AHRR: variants seen among roughly 807,000 people sequenced by gnomAD.
AHRR encodes ahR repressor.
AHRR carries 28 observed loss-of-function variants against 44.0 expected under a neutral mutation model. The observed-to-expected ratio is 0.64, with a 90% CI of 0.47 to 0.87. The LOEUF is 0.87. Among genes scored for constraint, AHRR ranks in the 40% least tolerant of loss-of-function variants. AHRR has a pLI of 0.00. For synonymous variants in AHRR, 434 were observed against 407.0 expected (o/e 1.07, Z -0.80); for missense variants, 990 against 953.9 (o/e 1.04, Z -0.50).
At position 391,410 on chromosome 5, in the gene AHRR, C is replaced by CG. The variant is rs1734438736; in HGVS notation, c.351+14694_351+14695insG. ...GAGGAGGGCGCAGGGCGAGGCAGGGCCAGAGCGTGCACGGGGGCAGGGCGA... is the reference window on the plus strand; with the variant it reads ...GAGGAGGGCGCAGGGCGAGGCAGGGCGCAGAGCGTGCACGGGGGCAGGGCGA... On this transcript the variant is annotated intron_variant, in intron 4 of 10. Transcript: ENST00000684583. 2.5e-5 allele frequency among the ~76,000 whole-genome samples: 3 copies of CG among 119,314 alleles called. No individual in the cohort carries two copies. In the East Asian group the frequency reaches 8.1e-4, roughly 32 times the overall value. 78.3% of individuals were successfully genotyped at this position (119,314 alleles called of 152,430 possible). A position where few individuals can be genotyped will look rare whatever the true frequency, so the allele number is the denominator to read the frequency against.
intron 8 of AHRR, among the ~76,000 whole-genome samples, chr5:428,347 C>T (rs57481959): frequency 2.0e-5 from 3 of 152,178 alleles, no homozygotes; most frequent in Non-Finnish European, 2.9e-5. Flanking sequence ...CTTGGCTGCC[C>T]GCCCTTCACA....
intron 4 of AHRR, among the ~76,000 whole-genome samples, chr5:394,624 G>T (rs1330888901): frequency 2.0e-5 from 3 of 150,506 alleles, no homozygotes; most frequent in Admixed American, 2.0e-4. Flanking sequence ...GAGCCCTCTT[G>T]TCTCTCCCCT....
At position 378,780 on chromosome 5, in the gene AHRR, G is replaced by A. The variant is rs529462420; in HGVS notation, c.351+2064G>A. On this transcript the variant is annotated intron_variant, in intron 4 of 10. Coordinates refer to ENST00000684583, the MANE Select transcript of AHRR (RefSeq NM_001377236.1). ...GGTTTTCATTCTGTCTTTTAGGTGGGCTACAGGGCTGTTGGGTTTAGCATG... is the reference window on the plus strand; with the variant it reads ...GGTTTTCATTCTGTCTTTTAGGTGGACTACAGGGCTGTTGGGTTTAGCATG... 1.2e-4 allele frequency among the ~76,000 whole-genome samples: 18 copies of A among 152,306 alleles called. No homozygotes were observed. In the South Asian group the frequency reaches 3.7e-3, roughly 32 times the overall value.
Position 395,037 on chromosome 5 carries a change from G to A in AHRR, c.352-18307G>A, listed in dbSNP as rs1734639514. 6.6e-6 allele frequency among the ~76,000 whole-genome samples: 1 copy of A among 152,228 alleles called. No homozygotes were observed. The highest frequency in any genetic ancestry group is 6.5e-5 in the Admixed American group (1 of 15,288). ...GCAGGGCTGTCTCGAGGCATCTTGG[G>A]AGGGCAAAGGCAGGACGGGAAAGTG... is the stretch of plus-strand genomic sequence containing the variant. On this transcript the variant is annotated intron_variant, in intron 4 of 10. Transcript: ENST00000684583. This position sits in a 1 kb window ranked among gnomAD's most constrained non-coding sequence, Gnocchi z 5.3.
rs1360607649 is a variant in AHRR, at chr5:423,826, C to A, written c.572-15C>A. 6 of 1,590,920 alleles carry A rather than the reference C, an allele frequency of 3.8e-6. No individual in the cohort carries two copies. In the African/African-American group the frequency reaches 4.0e-5, roughly 11 times the overall value. On this transcript the variant is annotated splice_polypyrimidine_tract_variant and intron_variant, in intron 6 of 10. Coordinates refer to ENST00000684583, the MANE Select transcript of AHRR (RefSeq NM_001377236.1). ...TTCTCCCACCGCCACGCCCCTTGGC[C>A]CCTATGGTCTGCAGGAGATGATGCT...
At chr5:400,341 T>C (rs1027121161) in intron 4 of AHRR, among the ~76,000 whole-genome samples, 52 of 152,142 alleles carry the variant, frequency 3.4e-4, no homozygotes, top group Non-Finnish European at 6.2e-4. Flanking sequence ...TTCCCTGCGG[T>C]CCCTGGGGGA....
At chr5:343,571 G>GCTTC in intron 1 of AHRR, 1 of 369,902 alleles carries the variant, frequency 2.7e-6, no homozygotes, top group Non-Finnish European at 4.9e-6. Context: ...TTCCTCGATG[G>GCTTC]CTTCCTCCTC....
At chr5:343,239 A>G (rs6894030) in intron 1 of AHRR, among the ~76,000 whole-genome samples, 11,547 of 130,388 alleles carry the variant, frequency 0.089, 944 homozygotes, top group African/African-American at 0.11. Context: ...GGGACCCCAC[A>G]TACCTTCTCG....
rs751205967 is a variant in AHRR, at chr5:376,721, G to A, written c.351+5G>A. On this transcript the variant is annotated splice_donor_5th_base_variant and intron_variant, in intron 4 of 10. Transcript: ENST00000684583. Reference sequence around the variant, plus strand: ...GAGGGAAGGCTGCTGTTGGAGGTGAGTGCCACCCTTGGTACCTCGAACACT... The same window carrying A: ...GAGGGAAGGCTGCTGTTGGAGGTGAATGCCACCCTTGGTACCTCGAACACT... 6.2e-7 allele frequency: 1 copy of A among 1,602,814 alleles called. No individual in the cohort carries two copies. The highest frequency in any genetic ancestry group is 8.5e-7 in the Non-Finnish European group (1 of 1,174,976).
intron 5 of AHRR, among the ~76,000 whole-genome samples, chr5:413,834 G>T (rs1380206257): frequency 6.6e-6 from 1 of 152,194 alleles, no homozygotes; most frequent in African/African-American, 2.4e-5. Context: ...CCTTCCTGAC[G>T]TGCGAGTGGT....
chr5:339,889 A>G (rs1414940701), intron 1 of AHRR, among the ~76,000 whole-genome samples: 3 of 152,116 alleles, frequency 2.0e-5, no homozygotes, highest in Non-Finnish European at 4.4e-5. Context: ...TCCTTGGATA[A>G]ATCCCACTTA....
rs1362123757 is a variant in AHRR, at chr5:405,910, G to C, written c.352-7434G>C. Reference sequence around the variant, plus strand: ...GTCCTTCTGGTGTGGCTTTCCTCCTGAATTAGGCGTGGTGTGGCAGCGTCC... The same window carrying C: ...GTCCTTCTGGTGTGGCTTTCCTCCTCAATTAGGCGTGGTGTGGCAGCGTCC... On this transcript the variant is annotated intron_variant, in intron 4 of 10. Transcript: ENST00000684583. This position sits in a 1 kb window ranked among gnomAD's most constrained non-coding sequence, Gnocchi z 4.5. Among the ~76,000 whole-genome samples, 1 of 152,198 alleles carries C rather than the reference G, an allele frequency of 6.6e-6. No homozygotes were observed. The highest frequency in any genetic ancestry group is 1.5e-5 in the Non-Finnish European group (1 of 68,048).
At chr5:422,583 G>T in intron 5 of AHRR, 146 bp from the exon 6 acceptor site, 1 of 1,114,138 alleles carries the variant, frequency 9.0e-7, no homozygotes, top group Admixed American at 1.9e-5. Context: ...CCGGGGCCAA[G>T]CGCCGTCTCT....
chr5:370,769 G>T lies in AHRR; in HGVS notation c.245-5841G>T, dbSNP rs1743551020. On this transcript the variant is annotated intron_variant, in intron 3 of 10. Transcript: ENST00000684583. This position sits in a 1 kb window ranked among gnomAD's most constrained non-coding sequence, Gnocchi z 4.5. ...CCATGGGAAGGTGCAGGTGTTGGTGGGGGGAGGGGGGCACGTTCCCATCAT... is the reference window on the plus strand; with the variant it reads ...CCATGGGAAGGTGCAGGTGTTGGTGTGGGGAGGGGGGCACGTTCCCATCAT... Among the ~76,000 whole-genome samples the T allele has an allele frequency of 6.6e-6, 1 of 151,684 alleles. No individual in the cohort carries two copies. The highest frequency in any genetic ancestry group is 1.5e-5 in the Non-Finnish European group (1 of 67,908).
intron 2 of AHRR, among the ~76,000 whole-genome samples, chr5:350,566 C>A (rs1467893370): frequency 1.3e-5 from 2 of 152,138 alleles, no homozygotes; most frequent in East Asian, 3.9e-4. Flanking sequence ...CTCTCTGGCG[C>A]CCCCATTCTG....
chr5:364,972 A>G (rs112198664), intron 3 of AHRR, among the ~76,000 whole-genome samples: 11 of 152,228 alleles, frequency 7.2e-5, no homozygotes, highest in African/African-American at 2.2e-4. Flanking sequence ...TATTCTTTCC[A>G]TAACATAATT....
At chr5:325,542 G>A (rs532761106) in intron 1 of AHRR, among the ~76,000 whole-genome samples, 1 of 152,256 alleles carries the variant, frequency 6.6e-6, no homozygotes, top group African/African-American at 2.4e-5. Flanking sequence ...AGTGCACTGG[G>A]CCAGACACGT....
At position 353,923 on chromosome 5, in the gene AHRR, A is replaced by G. The variant is rs1423623825; in HGVS notation, c.244+12A>G. 1.9e-6 allele frequency: 3 copies of G among 1,603,988 alleles called. No individual in the cohort carries two copies. Among genetic ancestry groups the G allele is most frequent in the Non-Finnish European group, 2.6e-6 (3 of 1,174,516 alleles). On this transcript the variant is annotated intron_variant, in intron 3 of 10. Transcript: ENST00000684583. Reference sequence around the variant, plus strand: ...GAGCTTCTTCCAAGGTAGGACTCTCACCTGCTCCCACCTGTTCACTTGAGT... The same window carrying G: ...GAGCTTCTTCCAAGGTAGGACTCTCGCCTGCTCCCACCTGTTCACTTGAGT...
chr5:398,284 A>G (rs139616069), intron 4 of AHRR, among the ~76,000 whole-genome samples: 3,421 of 151,666 alleles, frequency 0.023, 147 homozygotes, highest in African/African-American at 0.076. Context: ...GTAGCCCCTG[A>G]CCATCCGTGT....
Sources: gnomAD v4.1 joint callset for allele counts (sites outside exome capture counted in the v4.1 genomes callset) on GRCh38, gnomAD v4.1.1 for gene constraint, Gnocchi (gnomAD v3.1) non-coding constraint, MANE v1.5 for transcripts, NCBI Gene and HGNC (gene_info 2026-07-23, HGNC 2026-07-21) for gene names.